The following CHAF1A variants were observed in gnomAD, a reference collection of about 807,000 sequenced individuals.
CHAF1A encodes the protein chromatin assembly factor 1 subunit A.
Under a neutral mutation model 93.2 loss-of-function variants are expected in CHAF1A, and 5 were observed. The observed-to-expected ratio is 0.05, with a 90% CI of 0.03 to 0.11. The LOEUF (loss-of-function observed/expected upper bound fraction) is 0.11. Ranked by LOEUF, CHAF1A falls within the 10% of genes least tolerant of loss-of-function variation. The pLI is 1.00. For synonymous variants in CHAF1A, 504 were observed against 510.3 expected, an observed-to-expected ratio of 0.99 and a Z score of 0.17; for missense variants, 1,102 against 1,259.9, an observed-to-expected ratio of 0.87 and a Z score of 1.90.
chr19:4,447,228 T>C, downstream of CHAF1A: 1 of 570,604 alleles, frequency 1.8e-6, no homozygotes, highest in Non-Finnish European at 3.1e-6. Flanking sequence ...CCCTGCCCTT[T>C]CCCCCAGAAG....
rs747750687 is a variant in CHAF1A at position 4,427,136 on chromosome 19, C to CTTTTTTTTTTTTTTTTTTTTTTTTT, written c.1378-1521_1378-1497dup. Reference sequence around the variant, plus strand: ...GTGATCTTTCAAAAAAAGACCCTGTCTTTTTTTTTTTTTTTTTTTTTTTTT... The same window carrying CTTTTTTTTTTTTTTTTTTTTTTTTT: ...GTGATCTTTCAAAAAAAGACCCTGTCTTTTTTTTTTTTTTTTTTTTTTTTTTTTTTTTTTTTTTTTTTTTTTTTTT... On this transcript the variant is annotated intron_variant, in intron 7 of 14. Transcript: ENST00000301280. Among the ~76,000 whole-genome samples the CTTTTTTTTTTTTTTTTTTTTTTTTT allele has an allele frequency of 2.5e-4, 8 of 31,948 alleles. 2 individuals are homozygous for CTTTTTTTTTTTTTTTTTTTTTTTTT. Among genetic ancestry groups the CTTTTTTTTTTTTTTTTTTTTTTTTT allele is most frequent in the East Asian group, 1.5e-3 (1 of 664 alleles). The allele number at this position is 31,948 out of a possible 152,430, so 21.0% of individuals were successfully genotyped here. A position where few individuals can be genotyped will look rare whatever the true frequency, so the allele number is the denominator to read the frequency against.
intron 13 of CHAF1A, among the ~76,000 whole-genome samples, chr19:4,436,298 A>G (rs1729590081): frequency 6.6e-6 from 1 of 152,192 alleles, no homozygotes; most frequent in African/African-American, 2.4e-5. Context: ...AGGGGCCATC[A>G]TAACATCCCA....
At chr19:4,423,426 C>T (rs748494309) in intron 6 of CHAF1A, 31 bp downstream of exon 6, 2 of 1,612,390 alleles carry the variant, frequency 1.2e-6, no homozygotes, top group Admixed American at 3.4e-5. Flanking sequence ...CTTCCCCGTC[C>T]CAGCCCGTTG....
At chr19:4,447,470 G>T (rs1357588656), downstream of CHAF1A, 2 of 1,516,182 alleles carry the variant, frequency 1.3e-6, no homozygotes, top group Non-Finnish European at 1.8e-6. Context: ...CCCACCGCCT[G>T]GTGTGGGCCA....
At chr19:4,430,771 A>C in intron 11 of CHAF1A, 130 bp downstream of exon 11, 1 of 887,432 alleles carries the variant, frequency 1.1e-6, no homozygotes. Context: ...CATTCCAAGC[A>C]CGCAAGCTCA....
intron 13 of CHAF1A, among the ~76,000 whole-genome samples, chr19:4,437,057 G>C (rs1025115007): frequency 1.3e-5 from 2 of 152,224 alleles, no homozygotes; most frequent in African/African-American, 4.8e-5. Context: ...GGATGGCAGT[G>C]GTGGCCACAT....
chr19:4,403,940 C>G (rs1973634484), intron 1 of CHAF1A, among the ~76,000 whole-genome samples: 1 of 152,218 alleles, frequency 6.6e-6, no homozygotes, highest in Admixed American at 6.5e-5. Context: ...CTGCCTCAGC[C>G]TCCCAAGTAG....
Position 4,429,758 on chromosome 19 carries a change from G to A in CHAF1A, c.1824G>A (p.Glu608=), listed in dbSNP as rs140138530. 6.2e-7 allele frequency: 1 copy of A among 1,614,038 alleles called. No individual in the cohort carries two copies. Among genetic ancestry groups the A allele is most frequent in the Non-Finnish European group, 8.5e-7 (1 of 1,179,976 alleles). ...VDSDEEWEEE[E]PGESLSHSEG... ...GTGATGAGGAGTGGGAAGAAGAGGA[G>A]CCTGGGGAGTCCCTGTCCCACAGTG... The change falls in exon 10 of 15, where the codon GAG becomes GAA. Residue 608 remains glutamate, a synonymous_variant. Coordinates refer to ENST00000301280, the MANE Select transcript of CHAF1A (RefSeq NM_005483.3).
intron 2 of CHAF1A, among the ~76,000 whole-genome samples, chr19:4,406,556 T>G (rs773640571): frequency 2.0e-5 from 3 of 151,126 alleles, no homozygotes; most frequent in Non-Finnish European, 4.4e-5. Flanking sequence ...TCCTTCAGCC[T>G]CCCAAGTAGC....
At chr19:4,445,960 G>C (rs1449384372), downstream of CHAF1A, 3 of 1,507,604 alleles carry the variant, frequency 2.0e-6, no homozygotes, top group South Asian at 1.3e-5. Context: ...CTGAGAACAA[G>C]GAGGCTCCCT....
At chr19:4,403,692 C>T (rs1269647875) in intron 1 of CHAF1A, among the ~76,000 whole-genome samples, 1 of 152,222 alleles carries the variant, frequency 6.6e-6, no homozygotes, top group Non-Finnish European at 1.5e-5. Context: ...TTAGTAACAG[C>T]CAGAAATACC....
chr19:4,446,450 G>C (rs1427844757), downstream of CHAF1A: 7 of 1,581,694 alleles, frequency 4.4e-6, no homozygotes, highest in Non-Finnish European at 6.0e-6. Flanking sequence ...GCTGGCCGGG[G>C]TTCTTCCACC....
chr19:4,417,871 A>C, intron 3 of CHAF1A, 149 bp from the exon 4 acceptor site: 1 of 508,434 alleles, frequency 2.0e-6, no homozygotes. Flanking sequence ...TCCCAGATAC[A>C]CACATGTATG....
Position 4,443,249 on chromosome 19 carries a change from C to T in CHAF1A, c.*224C>T. The T allele has an allele frequency of 1.9e-6, 1 of 529,082 alleles. No individual in the cohort carries two copies. The highest frequency in any genetic ancestry group is 3.5e-6 in the Non-Finnish European group (1 of 288,396). 32.8% of individuals were successfully genotyped at this position (529,082 alleles called of 1,614,324 possible). A position where few individuals can be genotyped will look rare whatever the true frequency, so the allele number is the denominator to read the frequency against. ...CTTTAATAAAGCATTATTGAGATTGCTGGCCTATTGGGGAAGCCTGCGGGC... is the reference window on the plus strand; with the variant it reads ...CTTTAATAAAGCATTATTGAGATTGTTGGCCTATTGGGGAAGCCTGCGGGC... On this transcript the variant is annotated 3_prime_UTR_variant, in exon 15 of 15. Coordinates refer to ENST00000301280, the MANE Select transcript of CHAF1A (RefSeq NM_005483.3).
rs1418926779 is a variant in CHAF1A at position 4,434,782 on chromosome 19, G to A, written c.2673+1243G>A. The stretch of plus-strand genomic sequence containing the variant: ...GCACTTACTGTGCTCCAGGCACTCT[G>A]ATCGGTCTCTCAGACACAGGTATAT... On this transcript the variant is annotated intron_variant, in intron 13 of 14. Transcript: ENST00000301280. 5.3e-5 allele frequency among the ~76,000 whole-genome samples: 8 copies of A among 152,188 alleles called. 1 individual carries two copies. The highest frequency in any genetic ancestry group is 1.9e-4 in the African/African-American group (8 of 41,508).
rs1164685135 is a variant in CHAF1A at position 4,443,352 on chromosome 19, C to T, written c.*327C>T. 3 of 335,682 alleles carry T rather than the reference C, an allele frequency of 8.9e-6. No individual in the cohort carries two copies. Among genetic ancestry groups the T allele is most frequent in the East Asian group, 8.0e-5 (1 of 12,424 alleles). The allele number at this position is 335,682 out of a possible 1,614,324, so 20.8% of individuals were successfully genotyped here. A position where few individuals can be genotyped will look rare whatever the true frequency, so the allele number is the denominator to read the frequency against. ...CACCCGCCTGGCCACGTGCGCGGGC[C>T]CCTGGACCTAACGAGGCAGTGTATA... On this transcript the variant is annotated 3_prime_UTR_variant, in exon 15 of 15. Transcript: ENST00000301280.
Position 4,405,996 on chromosome 19 carries a change from G to A in CHAF1A, c.103+34G>A, listed in dbSNP as rs77629607. On this transcript the variant is annotated intron_variant, in intron 2 of 14. Transcript: ENST00000301280. ...TTGGAAATGGGTTAAAGAGTTGTTC[G>A]TAGTTTATAGTCTTCCTTGTCTCTT... The A allele has an allele frequency of 1.2e-3, 1,787 of 1,536,122 alleles. 23 individuals are homozygous for A. In the East Asian group the frequency reaches 0.026, roughly 22 times the overall value.
intron 12 of CHAF1A, 105 bp from the exon 13 acceptor site, chr19:4,432,965 C>A: frequency 1.1e-6 from 1 of 942,058 alleles, no homozygotes; most frequent in Non-Finnish European, 1.6e-6. Context: ...GCTGGCCATG[C>A]CCCAAGCCTC....
chr19:4,410,049 G>C (rs750998884), intron 3 of CHAF1A, among the ~76,000 whole-genome samples: 1 of 152,334 alleles, frequency 6.6e-6, no homozygotes, highest in East Asian at 1.9e-4. Flanking sequence ...TAGCTTAGCC[G>C]TTTTAGGGAA....
Sources: gnomAD v4.1 joint callset for allele counts (sites outside exome capture counted in the v4.1 genomes callset) on GRCh38, gnomAD v4.1.1 for gene constraint, MANE v1.5 for transcripts, NCBI Gene and HGNC (gene_info 2026-07-23, HGNC 2026-07-21) for gene names.